MYH14: variants seen among roughly 807,000 people sequenced by gnomAD.
MYH14 encodes the protein myosin heavy chain 14, also known as myosin-14.
MYH14 carries 123 observed loss-of-function variants against 255.5 expected under a neutral mutation model. That is an observed-to-expected ratio of 0.48 (90% CI 0.42 to 0.56). The LOEUF (loss-of-function observed/expected upper bound fraction) is 0.56, where lower values mean the gene tolerates loss of function less well. Ranked by LOEUF, MYH14 falls within the 20% of genes least tolerant of loss-of-function variation. The pLI is 0.00. For synonymous variants in MYH14, 1,095 were observed against 1,161.2 expected (o/e 0.94, Z 1.16); for missense variants, 2,423 against 2,802.3 (o/e 0.86, Z 3.06).
chr19:50,288,956 C>T (rs1365131280), intron 34 of MYH14, among the ~76,000 whole-genome samples: 2 of 151,974 alleles, frequency 1.3e-5, no homozygotes, highest in Admixed American at 1.3e-4. Context: ...GATCAGGGAC[C>T]CTCCCAAACA....
intron 13 of MYH14, 59 bp from the exon 14 acceptor site, chr19:50,249,591 T>TGTCTCTGGGTCTCTGTCCC (rs2034283054): frequency 1.2e-6 from 2 of 1,607,256 alleles, no homozygotes; most frequent in Non-Finnish European, 1.7e-6. Flanking sequence ...CTCTGTCCCC[T>TGTCTCTGGGTCTCTGTCCC]GTCTCTGGGT....
chr19:50,277,901 G>C (rs1406316094), intron 29 of MYH14, among the ~76,000 whole-genome samples, 182 bp from the exon 30 acceptor site: 1 of 149,952 alleles, frequency 6.7e-6, no homozygotes, highest in Non-Finnish European at 1.5e-5. Context: ...TGGGCAACAA[G>C]ACTGAAGCAC....
At chr19:50,255,596 C>T (rs192498932) in intron 17 of MYH14, among the ~76,000 whole-genome samples, 1 of 152,160 alleles carries the variant, frequency 6.6e-6, no homozygotes, top group East Asian at 1.9e-4. Context: ...CATGTGAAAC[C>T]CCTTTAGAAT....
chr19:50,284,214 G>A lies in MYH14; in HGVS notation c.4540-2268G>A, dbSNP rs558760348. Among the ~76,000 whole-genome samples, 14 of 152,174 alleles carry A rather than the reference G, an allele frequency of 9.2e-5. No individual in the cohort carries two copies. The South Asian group carries it at 2.9e-3, about 32-fold the overall frequency. ...TGGCTTTTCTTTCCATTCTGTTAGA[G>A]TCTTTCAAAGAACAGAAGTTTTTAA... On this transcript the variant is annotated intron_variant, in intron 33 of 42. Coordinates refer to ENST00000642316, the MANE Select transcript of MYH14 (RefSeq NM_001145809.2).
At chr19:50,223,725 C>T (rs949448186) in intron 5 of MYH14, among the ~76,000 whole-genome samples, 1 of 152,166 alleles carries the variant, frequency 6.6e-6, no homozygotes, top group East Asian at 1.9e-4. Flanking sequence ...ACTTACCCCT[C>T]GGGTGGGGTG....
At chr19:50,258,721 CAA>C (rs1160071813) in intron 18 of MYH14, 1,395 of 33,880 alleles carry the variant, frequency 0.041, 32 homozygotes, top group African/African-American at 0.12. Flanking sequence ...GACTCTGTCT[CAA>C]AAAAAAAAAA....
At chr19:50,245,255 C>T (rs538699026) in intron 11 of MYH14, among the ~76,000 whole-genome samples, 45 of 151,884 alleles carry the variant, frequency 3.0e-4, no homozygotes, top group African/African-American at 1.1e-3. Flanking sequence ...TTCTTCTCTA[C>T]TAAAAATACA....
At chr19:50,288,502 G>T (rs1056370504) in intron 34 of MYH14, among the ~76,000 whole-genome samples, 1 of 152,200 alleles carries the variant, frequency 6.6e-6, no homozygotes, top group African/African-American at 2.4e-5. Context: ...TGGGAAACAG[G>T]ATGTTGATGG....
chr19:50,284,530 G>T (rs751169628), intron 33 of MYH14, among the ~76,000 whole-genome samples: 12 of 151,792 alleles, frequency 7.9e-5, no homozygotes, highest in Non-Finnish European at 1.6e-4. Flanking sequence ...GCCACACCCG[G>T]CTAATTTTTT....
chr19:50,208,414 C>CA (rs1390303087), intron 1 of MYH14, among the ~76,000 whole-genome samples: 7 of 123,884 alleles, frequency 5.7e-5, no homozygotes, highest in Non-Finnish European at 1.0e-4. Flanking sequence ...GACTCTGTCT[C>CA]AAAAAACAAA....
In MYH14 at chr19:50,244,265, G is replaced by C; in HGVS notation, c.1138G>C (p.Val380Leu). The part of the protein sequence containing the change: ...IISMLRMVSA[V>L]LQFGNIALKR... ...AGCCATGCTGCGGATGGTCTCAGCA[G>C]TTCTCCAGTTTGGCAACATTGCCTT... Residue 380 changes from valine (V) to leucine (L), a missense_variant, in exon 11 of 43, where the codon GTT (valine) becomes CTT (leucine). Coordinates refer to ENST00000642316, the MANE Select transcript of MYH14 (RefSeq NM_001145809.2). 3 of 1,613,960 alleles carry C rather than the reference G, an allele frequency of 1.9e-6. No individual in the cohort carries two copies. Among genetic ancestry groups the C allele is most frequent in the South Asian group, 2.2e-5 (2 of 91,082 alleles).
At chr19:50,225,725 C>G (rs901890923) in intron 7 of MYH14, 48 bp downstream of exon 7, 1 of 1,466,324 alleles carries the variant, frequency 6.8e-7, no homozygotes, top group African/African-American at 1.4e-5. Flanking sequence ...GATACAGGAG[C>G]TGGGAACCTC....
chr19:50,251,521 TACACACACACACAC>T (rs56728213), intron 15 of MYH14, among the ~76,000 whole-genome samples: 4,817 of 72,396 alleles, frequency 0.067, 323 homozygotes, highest in African/African-American at 0.16. Context: ...ATATACACAC[TACACACACACACAC>T]ACACACACAC....
Position 50,280,189 on chromosome 19 carries a change from C to T in MYH14, c.4138-42C>T. On this transcript the variant is annotated intron_variant, in intron 31 of 42. Coordinates refer to ENST00000642316, the MANE Select transcript of MYH14 (RefSeq NM_001145809.2). The surrounding 1 kb of genome is among the most constrained non-coding windows in gnomAD (Gnocchi z 4.8). ...TCCACCGTCACCCTCCCCTCCTTGT[C>T]CTCCCAGCCACACCTGACATTGCCG... is the stretch of plus-strand genomic sequence containing the variant. 2 of 1,557,392 alleles carry T rather than the reference C, an allele frequency of 1.3e-6. No homozygotes were observed. The highest frequency in any genetic ancestry group is 8.7e-7 in the Non-Finnish European group (1 of 1,150,982).
rs58658783 is a variant in MYH14, at chr19:50,239,643, C to T, written c.1115-4599C>T. Reference sequence around the variant, plus strand: ...CCGCTCACTGCAAGCTCCGCCTCCCCGGTTCATGCCATTCTCCTGCCTCAG... The same window carrying T: ...CCGCTCACTGCAAGCTCCGCCTCCCTGGTTCATGCCATTCTCCTGCCTCAG... On this transcript the variant is annotated intron_variant, in intron 10 of 42. Coordinates refer to ENST00000642316, the MANE Select transcript of MYH14 (RefSeq NM_001145809.2). Among the ~76,000 whole-genome samples, 978 of 151,896 alleles carry T rather than the reference C, an allele frequency of 6.4e-3. 10 individuals are homozygous for T. Among genetic ancestry groups the T allele is most frequent in the African/African-American group, 0.022 (907 of 41,434 alleles).
rs2036807471 is a variant in MYH14, at chr19:50,310,077, C to G, written c.*287C>G. On this transcript the variant is annotated 3_prime_UTR_variant, in exon 43 of 43. Transcript: ENST00000642316. ...GCTGTGTTTCCATCAGCTCCCTGTC[C>G]TCCTTTCTTCCCTCGTTATTGATCT... 2 of 537,620 alleles carry G rather than the reference C, an allele frequency of 3.7e-6. No individual in the cohort carries two copies. The highest frequency in any genetic ancestry group is 6.6e-6 in the Non-Finnish European group (2 of 303,330). 33.3% of individuals were successfully genotyped at this position (537,620 alleles called of 1,614,324 possible). A position where few individuals can be genotyped will look rare whatever the true frequency, so the allele number is the denominator to read the frequency against.
rs2033337853 is a variant in MYH14, at chr19:50,230,738, C to A, written c.973+115C>A. 1 of 840,390 alleles carries A rather than the reference C, an allele frequency of 1.2e-6. No homozygotes were observed. Among genetic ancestry groups the A allele is most frequent in the Middle Eastern group, 2.2e-4 (1 of 4,456 alleles). The allele number at this position is 840,390 out of a possible 1,614,324, so 52.1% of individuals were successfully genotyped here. On this transcript the variant is annotated intron_variant, in intron 9 of 42. Transcript: ENST00000642316. The surrounding 1 kb of genome is among the most constrained non-coding windows in gnomAD (Gnocchi z 4.7). Reference sequence around the variant, plus strand: ...GGGGGCTCTAATATCCGTCAAACACCGACTTCGCATGAGGCTCCCGCAGCC... The same window carrying A: ...GGGGGCTCTAATATCCGTCAAACACAGACTTCGCATGAGGCTCCCGCAGCC...
chr19:50,296,377 G>A (rs1306131756), intron 39 of MYH14, among the ~76,000 whole-genome samples: 1 of 152,170 alleles, frequency 6.6e-6, no homozygotes, highest in East Asian at 1.9e-4. Context: ...GAAGGCTAAG[G>A]CAGGAGGATT....
chr19:50,278,247 G>T lies in MYH14; in HGVS notation c.3990G>T (p.Glu1330Asp). ...QEVQGRAGDG[E>D]RARAEAAEKL... ...TGCAGGGCCGGGCTGGTGATGGGGA[G>T]AGGGCACGAGCGGAGGCTGCTGAGA... The change falls in exon 30 of 43, where the codon GAG (glutamate) becomes GAT (aspartate). Residue 1330 changes from glutamate (E) to aspartate (D), a missense_variant. Physicochemically the swap from Glu to Asp is conservative, Grantham distance 45. Around this residue, in one of 3 missense-constraint regions of MYH14, gnomAD observed 1,513 missense variants for 1,674.8 expected, o/e 0.90. Transcript: ENST00000642316. 6.3e-7 allele frequency: 1 copy of T among 1,591,352 alleles called. No individual in the cohort carries two copies. Among genetic ancestry groups the T allele is most frequent in the Non-Finnish European group, 8.5e-7 (1 of 1,169,854 alleles).
Sources: gnomAD v4.1 joint callset for allele counts (sites outside exome capture counted in the v4.1 genomes callset) on GRCh38, gnomAD v4.1.1 for gene constraint, gnomAD v4.1.1 regional missense constraint, Gnocchi (gnomAD v3.1) non-coding constraint, MANE v1.5 for transcripts, NCBI Gene and HGNC (gene_info 2026-07-23, HGNC 2026-07-21) for gene names.